Variants in COG5 observed in about 807,000 individuals in gnomAD.
COG5 encodes the protein conserved oligomeric Golgi complex subunit 5.
A neutral mutation model predicts 110.4 loss-of-function variants in COG5; 86 were observed. The ratio of observed to expected loss-of-function variants is 0.78; its 90% confidence interval spans 0.65 to 0.93. The LOEUF is 0.93. Ranked by LOEUF, COG5 falls within the 40% of genes least tolerant of loss-of-function variation. COG5 has a pLI of 0.00. For synonymous variants in COG5, 360 were observed against 334.6 expected (o/e 1.08, Z -0.83); for missense variants, 1,077 against 987.0 (o/e 1.09, Z -1.22).
At chr7:107,558,978 C>T (rs1018501363) in intron 1 of COG5, among the ~76,000 whole-genome samples, 1 of 133,786 alleles carries the variant, frequency 7.5e-6, no homozygotes, top group African/African-American at 2.9e-5. Flanking sequence ...AAAACAAGAT[C>T]ATTGTCAGTG....
At chr7:107,233,321 C>A (rs1025481868) in intron 18 of COG5, among the ~76,000 whole-genome samples, 2 of 152,130 alleles carry the variant, frequency 1.3e-5, no homozygotes, top group African/African-American at 4.8e-5. Flanking sequence ...GCTGTGTGAT[C>A]AGTGTAGGCA....
At chr7:107,208,118 A>G in intron 21 of COG5, 2 of 985,496 alleles carry the variant, frequency 2.0e-6, no homozygotes, top group Non-Finnish European at 2.4e-6. Flanking sequence ...TCTCTAGGAC[A>G]AAAGTCCCCT....
chr7:107,372,485 C>T, intron 8 of COG5, 110 bp downstream of exon 8: 1 of 1,032,090 alleles, frequency 9.7e-7, no homozygotes, highest in South Asian at 1.4e-5. Flanking sequence ...TTTCTGTCTA[C>T]TAAAAAATGA....
At chr7:107,466,304 T>G (rs1285336102) in intron 6 of COG5, among the ~76,000 whole-genome samples, 1 of 152,096 alleles carries the variant, frequency 6.6e-6, no homozygotes, top group Admixed American at 6.5e-5. Context: ...GTAATAATAG[T>G]CACAGGATCC....
chr7:107,416,087 G>A (rs951771815), intron 6 of COG5, among the ~76,000 whole-genome samples: 1 of 151,048 alleles, frequency 6.6e-6, no homozygotes, highest in African/African-American at 2.4e-5. Flanking sequence ...AAAACAATAT[G>A]GGACTATCTG....
intron 12 of COG5, among the ~76,000 whole-genome samples, chr7:107,295,003 C>T (rs1318438118): frequency 1.2e-5 from 1 of 84,950 alleles, no homozygotes; most frequent in Non-Finnish European, 2.4e-5. Flanking sequence ...ATATACACAT[C>T]TATATATACA....
chr7:107,556,380 C>T (rs1196446128), intron 2 of COG5, among the ~76,000 whole-genome samples: 8 of 152,200 alleles, frequency 5.3e-5, no homozygotes, highest in Admixed American at 5.2e-4. Flanking sequence ...ACTACTGGGA[C>T]TCGGAGACTT....
chr7:107,246,535 C>T (rs916282883), intron 17 of COG5, among the ~76,000 whole-genome samples: 3 of 152,010 alleles, frequency 2.0e-5, no homozygotes, highest in Admixed American at 1.3e-4. Context: ...ACAAACAACC[C>T]CATTAAAAGG....
chr7:107,429,632 A>G lies in COG5; in HGVS notation c.539-17000T>C, dbSNP rs1369218951. 2.0e-5 allele frequency among the ~76,000 whole-genome samples: 3 copies of G among 152,062 alleles called. No individual in the cohort carries two copies. The East Asian group carries it at 5.8e-4, about 29-fold the overall frequency. Reference sequence around the variant, plus strand: ...ATATGGTTTGGCTGTGTCCCTACCCAAATCTTATCTTGAACTGTAGCTCCC... The same window carrying G: ...ATATGGTTTGGCTGTGTCCCTACCCGAATCTTATCTTGAACTGTAGCTCCC... On this transcript the variant is annotated intron_variant, in intron 6 of 21. Transcript: ENST00000297135.
At chr7:107,247,919 G>C (rs1434762153) in intron 17 of COG5, among the ~76,000 whole-genome samples, 1 of 152,188 alleles carries the variant, frequency 6.6e-6, no homozygotes, top group East Asian at 1.9e-4. Flanking sequence ...AGCTTGCCCA[G>C]AGCCAAAGCA....
At chr7:107,511,383 T>A (rs1188631870) in intron 6 of COG5, among the ~76,000 whole-genome samples, 6 of 152,140 alleles carry the variant, frequency 3.9e-5, no homozygotes, top group African/African-American at 1.4e-4. Context: ...TAACAGACTC[T>A]GAAATTGTGG....
At chr7:107,563,698 C>G in intron 1 of COG5, 105 bp downstream of exon 1, 1 of 1,364,506 alleles carries the variant, frequency 7.3e-7, no homozygotes, top group Non-Finnish European at 1.0e-6. Context: ...CACGTCCAGA[C>G]TGGAAAACTT....
intron 10 of COG5, among the ~76,000 whole-genome samples, chr7:107,357,058 T>C (rs1812691408): frequency 6.6e-6 from 1 of 152,168 alleles, no homozygotes; most frequent in African/African-American, 2.4e-5. Flanking sequence ...TAAGCATTAT[T>C]ATTTAGGGTC....
chr7:107,376,891 G>C (rs141854562), intron 7 of COG5, among the ~76,000 whole-genome samples: 1 of 151,920 alleles, frequency 6.6e-6, no homozygotes, highest in Non-Finnish European at 1.5e-5. Context: ...CCCTTTACTT[G>C]AGAAATTATG....
intron 6 of COG5, among the ~76,000 whole-genome samples, chr7:107,486,165 A>G (rs1797645595): frequency 6.6e-6 from 1 of 152,240 alleles, no homozygotes; most frequent in East Asian, 1.9e-4. Context: ...AAGCCTAGAG[A>G]AAGTCTTTCT....
At chr7:107,427,145 C>A (rs969228531) in intron 6 of COG5, among the ~76,000 whole-genome samples, 1 of 152,132 alleles carries the variant, frequency 6.6e-6, no homozygotes, top group Non-Finnish European at 1.5e-5. Context: ...ACTTTATTGA[C>A]CTCTCTCCAA....
chr7:107,287,853 G>T (rs1339492622), intron 12 of COG5, among the ~76,000 whole-genome samples: 1 of 152,036 alleles, frequency 6.6e-6, no homozygotes, highest in African/African-American at 2.4e-5. Flanking sequence ...GGCTAATATT[G>T]TATATATTTT....
chr7:107,366,556 A>C (rs1429773128), intron 8 of COG5, among the ~76,000 whole-genome samples: 1 of 152,132 alleles, frequency 6.6e-6, no homozygotes, highest in East Asian at 1.9e-4. Context: ...GACATATCCT[A>C]AAGAAGTCAC....
chr7:107,273,249 G>T (rs1227484859), intron 14 of COG5, among the ~76,000 whole-genome samples: 1 of 152,054 alleles, frequency 6.6e-6, no homozygotes, highest in African/African-American at 2.4e-5. Context: ...TAGTGGCCCT[G>T]GGCAGTAAAT....
Sources: gnomAD v4.1 joint callset for allele counts (sites outside exome capture counted in the v4.1 genomes callset) on GRCh38, gnomAD v4.1.1 for gene constraint, MANE v1.5 for transcripts, NCBI Gene and HGNC (gene_info 2026-07-23, HGNC 2026-07-21) for gene names.